Variants in TEX15 observed in about 807,000 individuals in gnomAD.
TEX15 encodes testis expressed 15, meiosis and synapsis associated, also known as testis-expressed protein 15.
Under a neutral mutation model 237.3 loss-of-function variants are expected in TEX15, and 171 were observed. The ratio of observed to expected loss-of-function variants is 0.72; its 90% CI spans 0.64 to 0.82. TEX15 has a LOEUF of 0.82. Ranked by LOEUF, TEX15 falls within the 40% of genes least tolerant of loss-of-function variation. The probability of loss-of-function intolerance (pLI) is 0.00; values close to 1 mark genes in which losing one functional copy is unlikely to be tolerated. For missense variants in TEX15, 3,750 were observed against 3,646.5 expected, an observed-to-expected ratio of 1.03 and a Z score of -0.73; for synonymous variants, 1,338 against 1,269.8, an observed-to-expected ratio of 1.05 and a Z score of -1.14.
Position 30,867,395 on chromosome 8 carries a change from C to G in TEX15, c.410G>C (p.Ser137Thr), listed in dbSNP as rs1005316348. 1.3e-6 allele frequency: 2 copies of G among 1,533,242 alleles called. No homozygotes were observed. The highest frequency in any genetic ancestry group is 1.7e-6 in the Non-Finnish European group (2 of 1,144,720). The allele number at this position is 1,533,242 out of a possible 1,614,324, so 95.0% of individuals were successfully genotyped here. ...DVAQIYQNGI[S>T]TRASTLKILG... ...TATCTTCAATGTAGATGCTCTGGTACTTATTCCATTCTGATATATCTGGGC... is the reference window on the plus strand; with the variant it reads ...TATCTTCAATGTAGATGCTCTGGTAGTTATTCCATTCTGATATATCTGGGC... The change falls in exon 5 of 11, where the codon AGT becomes ACT. Residue 137 changes from serine (S) to threonine (T), a missense_variant. By Grantham distance (58) the Ser-to-Thr change is moderately conservative. Coordinates refer to ENST00000643185, the MANE Select transcript of TEX15 (RefSeq NM_001350162.2).
At chr8:30,838,178 T>C (rs1369471595) in intron 9 of TEX15, 117 bp from the exon 10 acceptor site, 1 of 930,374 alleles carries the variant, frequency 1.1e-6, no homozygotes, top group Non-Finnish European at 1.5e-6. Flanking sequence ...CTTTACGTTT[T>C]CCCATTCTAT....
chr8:30,845,546 G>T lies in TEX15; in HGVS notation c.4621C>A (p.Pro1541Thr). 1.2e-6 allele frequency: 2 copies of T among 1,613,608 alleles called. No individual in the cohort carries two copies. Among genetic ancestry groups the T allele is most frequent in the African/African-American group, 1.3e-5 (1 of 75,012 alleles). Reference protein sequence around the residue: ...SVYYNSSVSNPSLSEEHQPFS... With the variant: ...SVYYNSSVSNTSLSEEHQPFS... ...GGCTGATGTTCTTCTGATAAACTTGGATTGCTTACACTGCTATTATAATAA... is the reference window on the plus strand; with the variant it reads ...GGCTGATGTTCTTCTGATAAACTTGTATTGCTTACACTGCTATTATAATAA... Residue 1541 changes from proline (P) to threonine (T), a missense_variant, in exon 8 of 11, where the codon CCA (proline) becomes ACA (threonine). Physicochemically the swap from Pro to Thr is conservative, Grantham distance 38. Transcript: ENST00000643185.
intron 2 of TEX15, among the ~76,000 whole-genome samples, chr8:30,889,934 CATAT>C (rs374692942): frequency 5.7e-5 from 7 of 123,292 alleles, no homozygotes; most frequent in Admixed American, 8.6e-5. Context: ...TAGTTATATA[CATAT>C]ATATATATAT....
chr8:30,874,407 C>A (rs1180131317), intron 4 of TEX15, among the ~76,000 whole-genome samples: 1 of 152,136 alleles, frequency 6.6e-6, no homozygotes, highest in Non-Finnish European at 1.5e-5. Flanking sequence ...TGCTCTTATT[C>A]TTATCAAAAT....
intron 10 of TEX15, among the ~76,000 whole-genome samples, chr8:30,834,142 A>G (rs995030238): frequency 2.0e-5 from 3 of 152,128 alleles, no homozygotes; most frequent in African/African-American, 7.2e-5. Flanking sequence ...GAAAAAGCAG[A>G]GTCATGGACT....
chr8:30,909,224 A>C (rs1286902257), intron 1 of TEX15, among the ~76,000 whole-genome samples: 1 of 151,966 alleles, frequency 6.6e-6, no homozygotes, highest in Non-Finnish European at 1.5e-5. Flanking sequence ...ACCTCAGATA[A>C]ACCTTAAAAA....
At chr8:30,865,121 GA>G (rs1317726175) in intron 5 of TEX15, among the ~76,000 whole-genome samples, 1 of 151,812 alleles carries the variant, frequency 6.6e-6, no homozygotes, top group Non-Finnish European at 1.5e-5. Flanking sequence ...AATAAAATCA[GA>G]AACTAAAAGG....
At chr8:30,887,349 T>C in intron 2 of TEX15, 38 bp from the exon 3 acceptor site, 1 of 1,487,800 alleles carries the variant, frequency 6.7e-7, no homozygotes, top group Admixed American at 2.4e-5. Context: ...AAAAGGTCAA[T>C]AAATACATAA....
intron 2 of TEX15, among the ~76,000 whole-genome samples, chr8:30,896,546 TA>T (rs10714910): frequency 0.12 from 17,735 of 144,898 alleles, 1,686 homozygotes; most frequent in African/African-American, 0.27. Context: ...ACCATACGAT[TA>T]AAAAAAAAAA....
At chr8:30,874,170 A>G (rs1386976537) in intron 4 of TEX15, among the ~76,000 whole-genome samples, 1 of 152,208 alleles carries the variant, frequency 6.6e-6, no homozygotes, top group Non-Finnish European at 1.5e-5. Context: ...CCAGACACCA[A>G]GTGTGGCAGC....
In TEX15 at chr8:30,906,801, T is replaced by C. The variant is rs1447436591; in HGVS notation, c.-86+6078A>G. Among the ~76,000 whole-genome samples the C allele has an allele frequency of 3.3e-5, 5 of 152,282 alleles. No homozygotes were observed. In the East Asian group the frequency reaches 9.6e-4, roughly 29 times the overall value. ...TATAAGCAGATTTTCCCATTTTACG[T>C]ATGAAAATTTTCCATTTTACATATG... On this transcript the variant is annotated intron_variant, in intron 1 of 10. Coordinates refer to ENST00000643185, the MANE Select transcript of TEX15 (RefSeq NM_001350162.2).
intron 1 of TEX15, among the ~76,000 whole-genome samples, chr8:30,904,133 G>C (rs1037450678): frequency 2.6e-5 from 4 of 152,150 alleles, no homozygotes; most frequent in Admixed American, 6.5e-5. Context: ...ACAAGTCTTG[G>C]AAAGGAAATA....
intron 2 of TEX15, among the ~76,000 whole-genome samples, chr8:30,897,829 T>A (rs1265654856): frequency 1.3e-5 from 2 of 152,024 alleles, no homozygotes; most frequent in African/African-American, 4.8e-5. Flanking sequence ...CCAGACTAAT[T>A]TTTTATTTTA....
rs185831133 is a variant in TEX15, at chr8:30,887,733, G to A, written c.-9-422C>T. Reference sequence around the variant, plus strand: ...CGAGAACAGCTTGAACCCGGGAGGCGGAGGTTGCAGTGAGCTGAGATCACT... The same window carrying A: ...CGAGAACAGCTTGAACCCGGGAGGCAGAGGTTGCAGTGAGCTGAGATCACT... On this transcript the variant is annotated intron_variant, in intron 2 of 10. Coordinates refer to ENST00000643185, the MANE Select transcript of TEX15 (RefSeq NM_001350162.2). The A allele has an allele frequency of 6.8e-4, 104 of 153,828 alleles. No individual in the cohort carries two copies. The Middle Eastern group carries it at 0.01, about 15-fold the overall frequency. The allele number at this position is 153,828 out of a possible 1,614,324, so 9.5% of individuals were successfully genotyped here.
At chr8:30,852,085 G>A (rs1263423575) in intron 7 of TEX15, among the ~76,000 whole-genome samples, 1 of 138,900 alleles carries the variant, frequency 7.2e-6, no homozygotes, top group Admixed American at 7.1e-5. Flanking sequence ...AGTGCCTTAT[G>A]TACATTAATT....
Position 30,848,057 on chromosome 8 carries a change from G to T in TEX15, c.2110C>A (p.Leu704Ile). Residue 704 changes from leucine to isoleucine, a missense_variant, in exon 8 of 11, where the codon CTA (leucine) becomes ATA (isoleucine). Transcript: ENST00000643185. ...STSTIKDKDE[L>I]DHLALEWQIT... ...TGCCATTCCAATGCTAGATGATCTA[G>T]TTCATCCTTATCCTTTATGGTAGAT... The T allele has an allele frequency of 1.2e-6, 2 of 1,613,702 alleles. No individual in the cohort carries two copies. Among genetic ancestry groups the T allele is most frequent in the Non-Finnish European group, 1.7e-6 (2 of 1,179,940 alleles).
At chr8:30,899,945 T>C (rs138805926) in intron 1 of TEX15, among the ~76,000 whole-genome samples, 145 of 152,348 alleles carry the variant, frequency 9.5e-4, no homozygotes, top group Non-Finnish European at 1.8e-3. Flanking sequence ...CTCTATATGG[T>C]ACTAATTAAT....
rs761653236 is a variant in TEX15, at chr8:30,845,808, G to T, written c.4359C>A (p.Asp1453Glu). The change falls in exon 8 of 11, where the codon GAC (aspartate) becomes GAA (glutamate). Residue 1453 changes from aspartate to glutamate, a missense_variant. Coordinates refer to ENST00000643185, the MANE Select transcript of TEX15 (RefSeq NM_001350162.2). ...TTGGAGCTCTTTTCTTTCTCCGTTT[G>T]TCATATTTTCTTTTTGACGAAAAAT... ...TKHFSSKRKY[D>E]KRRKKRAPKA... The T allele has an allele frequency of 1.9e-6, 3 of 1,609,082 alleles. No individual in the cohort carries two copies. Among genetic ancestry groups the T allele is most frequent in the South Asian group, 2.2e-5 (2 of 89,470 alleles).
Position 30,837,589 on chromosome 8 carries a change from A to G in TEX15, c.8695T>C (p.Phe2899Leu). The G allele has an allele frequency of 6.2e-7, 1 of 1,614,120 alleles. No individual in the cohort carries two copies. The highest frequency in any genetic ancestry group is 8.5e-7 in the Non-Finnish European group (1 of 1,179,982). Reference protein sequence around the residue: ...PDASVLSKPIFCFVKDVHPDL... With the variant: ...PDASVLSKPILCFVKDVHPDL... ...GGATGGACATCTTTCACAAAACAGA[A>G]AATTGGCTTTGAGAGCACCGACGCA... The change falls in exon 10 of 11, where the codon TTC (phenylalanine) becomes CTC (leucine). Residue 2899 changes from phenylalanine to leucine, a missense_variant. Transcript: ENST00000643185.
Sources: gnomAD v4.1 joint callset for allele counts (sites outside exome capture counted in the v4.1 genomes callset) on GRCh38, gnomAD v4.1.1 for gene constraint, MANE v1.5 for transcripts, NCBI Gene and HGNC (gene_info 2026-07-23, HGNC 2026-07-21) for gene names.